SGCZ: variants seen among roughly 807,000 people sequenced by gnomAD.
SGCZ encodes sarcoglycan zeta.
SGCZ carries 40 observed loss-of-function variants against 41.3 expected under a neutral mutation model. The ratio of observed to expected loss-of-function variants is 0.97; its 90% CI spans 0.75 to 1.26. SGCZ has a LOEUF of 1.26. Among genes scored for constraint, SGCZ ranks in the 50% most tolerant of loss-of-function variants. SGCZ has a pLI of 0.00. For missense variants in SGCZ, 552 were observed against 369.8 expected (o/e 1.49, Z -4.04); for synonymous variants, 206 against 137.5 (o/e 1.50, Z -3.49).
intron 1 of SGCZ, among the ~76,000 whole-genome samples, chr8:14,558,614 A>AGAGAGAGAGAGAGAGAGAGAGAG (rs1214772308): frequency 2.0e-5 from 1 of 49,304 alleles, no homozygotes; most frequent in African/African-American, 8.4e-5. Context: ...GAGAGAGAGA[A>AGAGAGAGAGAGAGAGAGAGAGAG]TCTTCCATAA....
chr8:14,782,547 G>C (rs1449737774), intron 1 of SGCZ, among the ~76,000 whole-genome samples: 1 of 152,198 alleles, frequency 6.6e-6, no homozygotes, highest in African/African-American at 2.4e-5. Context: ...AGATACAAAC[G>C]AATTAACCAT....
At chr8:14,144,722 A>G (rs1002546400) in intron 5 of SGCZ, among the ~76,000 whole-genome samples, 4 of 152,152 alleles carry the variant, frequency 2.6e-5, no homozygotes, top group Non-Finnish European at 5.9e-5. Flanking sequence ...GGCACTATGG[A>G]CCTGCTGTGG....
intron 1 of SGCZ, among the ~76,000 whole-genome samples, chr8:14,794,887 T>C (rs1175505872): frequency 2.6e-5 from 4 of 152,140 alleles, no homozygotes; most frequent in African/African-American, 9.7e-5. Flanking sequence ...GAAATGCCTT[T>C]AAAAAATCTA....
At chr8:15,029,688 A>C (rs890439697) in intron 1 of SGCZ, among the ~76,000 whole-genome samples, 1 of 152,134 alleles carries the variant, frequency 6.6e-6, no homozygotes, top group African/African-American at 2.4e-5. Context: ...TTGTAGAATA[A>C]GAAAAAATGC....
chr8:14,134,933 AATT>A (rs1803152157), intron 5 of SGCZ, among the ~76,000 whole-genome samples: 2 of 152,200 alleles, frequency 1.3e-5, no homozygotes, highest in African/African-American at 4.8e-5. Flanking sequence ...CTTTAACATA[AATT>A]ATTATGTTAT....
intron 2 of SGCZ, among the ~76,000 whole-genome samples, chr8:14,411,782 C>G (rs188897028): frequency 3.0e-4 from 46 of 152,236 alleles, no homozygotes; most frequent in African/African-American, 1.1e-3. Flanking sequence ...ATAAAACTCA[C>G]TGACATGTTT....
At chr8:14,272,755 T>C (rs1800104117) in intron 3 of SGCZ, among the ~76,000 whole-genome samples, 1 of 152,186 alleles carries the variant, frequency 6.6e-6, no homozygotes, top group Non-Finnish European at 1.5e-5. Context: ...TTCATAATAT[T>C]GGTGAACAGC....
chr8:14,540,534 G>C (rs1171273229), intron 2 of SGCZ, among the ~76,000 whole-genome samples: 1 of 151,086 alleles, frequency 6.6e-6, no homozygotes, highest in South Asian at 2.1e-4. Context: ...GATTTTGGGG[G>C]TTGTTTCAAT....
chr8:14,554,666 A>T, intron 2 of SGCZ, 66 bp downstream of exon 2: 1 of 1,307,308 alleles, frequency 7.6e-7, no homozygotes, highest in Non-Finnish European at 1.0e-6. Context: ...TTAAAAAATT[A>T]AAGTAACAGA....
intron 5 of SGCZ, among the ~76,000 whole-genome samples, chr8:14,136,535 G>A (rs1264845669): frequency 6.6e-6 from 1 of 152,176 alleles, no homozygotes; most frequent in Non-Finnish European, 1.5e-5. Context: ...CACCCAAAGA[G>A]CCTTGCTCAC....
chr8:15,161,223 A>G (rs866398308), intron 1 of SGCZ, among the ~76,000 whole-genome samples: 27 of 152,064 alleles, frequency 1.8e-4, no homozygotes, highest in African/African-American at 6.0e-4. Flanking sequence ...TACATCATGG[A>G]CTTTAAACGC....
intron 1 of SGCZ, among the ~76,000 whole-genome samples, chr8:14,665,193 T>G (rs1807870787): frequency 6.6e-6 from 1 of 151,948 alleles, no homozygotes; most frequent in Non-Finnish European, 1.5e-5. Flanking sequence ...CCCCGGTGTG[T>G]GATGTTCCAC....
At chr8:14,504,926 A>G (rs973617404) in intron 2 of SGCZ, among the ~76,000 whole-genome samples, 1 of 152,162 alleles carries the variant, frequency 6.6e-6, no homozygotes, top group African/African-American at 2.4e-5. Flanking sequence ...CCCTTTACCA[A>G]TGAAAGAAAA....
At chr8:15,158,660 A>T (rs1363178205) in intron 1 of SGCZ, among the ~76,000 whole-genome samples, 1 of 152,176 alleles carries the variant, frequency 6.6e-6, no homozygotes, top group East Asian at 1.9e-4. Context: ...CATGTGGAAA[A>T]TATCTGGGTA....
intron 1 of SGCZ, among the ~76,000 whole-genome samples, chr8:15,054,119 C>T (rs556872303): frequency 6.6e-6 from 1 of 152,294 alleles, no homozygotes; most frequent in African/African-American, 2.4e-5. Context: ...ATACATTCTC[C>T]AGATATTGAT....
intron 2 of SGCZ, among the ~76,000 whole-genome samples, chr8:14,455,701 A>G (rs1800723404): frequency 6.6e-6 from 1 of 152,216 alleles, no homozygotes; most frequent in Non-Finnish European, 1.5e-5. Flanking sequence ...GGCAATGCAA[A>G]TGACCATACT....
At chr8:14,308,270 G>A (rs1563248651) in intron 3 of SGCZ, among the ~76,000 whole-genome samples, 2 of 152,106 alleles carry the variant, frequency 1.3e-5, no homozygotes, top group South Asian at 4.2e-4. Flanking sequence ...GAAAGCGCAC[G>A]GAAAGGTGAA....
At chr8:14,252,600 C>A (rs1009259589) in intron 3 of SGCZ, among the ~76,000 whole-genome samples, 16 of 152,196 alleles carry the variant, frequency 1.1e-4, no homozygotes, top group African/African-American at 3.4e-4. Flanking sequence ...GTTAAGGAAG[C>A]ATTCTTCTAG....
At chr8:14,862,396 A>C (rs1585327396) in intron 1 of SGCZ, among the ~76,000 whole-genome samples, 2 of 151,992 alleles carry the variant, frequency 1.3e-5, no homozygotes, top group African/African-American at 4.8e-5. Context: ...AAAAATGGAG[A>C]ACATCATCTA....
Sources: gnomAD v4.1 joint callset for allele counts (sites outside exome capture counted in the v4.1 genomes callset) on GRCh38, gnomAD v4.1.1 for gene constraint, MANE v1.5 for transcripts, NCBI Gene and HGNC (gene_info 2026-07-23, HGNC 2026-07-21) for gene names.